FGF14: variants seen among roughly 807,000 people sequenced by gnomAD.
FGF14 encodes fibroblast growth factor homologous factor 4.
FGF14 carries 5 observed loss-of-function variants against 25.5 expected under a neutral mutation model. The observed-to-expected ratio is 0.20, with a 90% CI of 0.10 to 0.41. The LOEUF (loss-of-function observed/expected upper bound fraction) is 0.41. Among genes scored for constraint, FGF14 ranks in the 10% least tolerant of loss-of-function variants. The pLI, the probability that FGF14 is intolerant of heterozygous loss-of-function variation, is 1.00. For synonymous variants in FGF14, 138 were observed against 118.3 expected, an observed-to-expected ratio of 1.17 and a Z score of -1.08; for missense variants, 222 against 320.1, an observed-to-expected ratio of 0.69 and a Z score of 2.34.
At chr13:101,781,536 G>A (rs917219344) in intron 3 of FGF14, among the ~76,000 whole-genome samples, 1 of 152,164 alleles carries the variant, frequency 6.6e-6, no homozygotes, top group Non-Finnish European at 1.5e-5. Flanking sequence ...GAGGGCTGAC[G>A]TAGTTCCTTT....
At chr13:101,955,628 C>T (rs1464307208) in intron 1 of FGF14, among the ~76,000 whole-genome samples, 2 of 152,194 alleles carry the variant, frequency 1.3e-5, no homozygotes, top group Non-Finnish European at 2.9e-5. Context: ...ATGCAAGTCT[C>T]CTGAGGGGAA....
At chr13:102,098,497 C>T (rs190842400) in intron 1 of FGF14, among the ~76,000 whole-genome samples, 7 of 152,268 alleles carry the variant, frequency 4.6e-5, no homozygotes, top group Admixed American at 1.3e-4. Context: ...CTATTTACAG[C>T]TATTAATAAT....
chr13:102,054,056 C>T (rs1359889763), intron 1 of FGF14, among the ~76,000 whole-genome samples: 1 of 152,086 alleles, frequency 6.6e-6, no homozygotes, highest in Non-Finnish European at 1.5e-5. Flanking sequence ...GTCACCATAG[C>T]TATGGACATT....
At chr13:101,960,826 C>T (rs549004592) in intron 1 of FGF14, among the ~76,000 whole-genome samples, 1 of 152,268 alleles carries the variant, frequency 6.6e-6, no homozygotes, top group East Asian at 1.9e-4. Context: ...AAAAGTATTC[C>T]TATTTCTCCT....
chr13:102,346,699 T>C (rs934705311), intron 1 of FGF14, among the ~76,000 whole-genome samples: 6 of 152,122 alleles, frequency 3.9e-5, no homozygotes, highest in African/African-American at 1.4e-4. Context: ...GTTATAAAAT[T>C]TCAACACTGG....
chr13:101,901,969 A>T (rs1015649819), intron 1 of FGF14, among the ~76,000 whole-genome samples: 1 of 152,204 alleles, frequency 6.6e-6, no homozygotes, highest in African/African-American at 2.4e-5. Flanking sequence ...ACATATTCAT[A>T]TACTTGTGAT....
chr13:102,074,835 A>G (rs943260415), intron 1 of FGF14, among the ~76,000 whole-genome samples: 2 of 152,236 alleles, frequency 1.3e-5, no homozygotes, highest in Non-Finnish European at 2.9e-5. Flanking sequence ...CCGTATGATC[A>G]TCTCAACAGA....
intron 1 of FGF14, among the ~76,000 whole-genome samples, chr13:102,304,573 A>C (rs546389014): frequency 2.2e-4 from 33 of 152,312 alleles, no homozygotes; most frequent in African/African-American, 7.9e-4. Context: ...CTGGATATTC[A>C]CATTCTTCTA....
intron 3 of FGF14, among the ~76,000 whole-genome samples, chr13:101,831,450 C>G (rs78841058): frequency 0.038 from 5,768 of 151,912 alleles, 349 homozygotes; most frequent in African/African-American, 0.13. Context: ...TTCTATCATA[C>G]GCTTCATGAA....
rs115157720 is a variant in FGF14, at chr13:101,947,004, A to G, written c.209-71708T>C. On this transcript the variant is annotated intron_variant, in intron 1 of 4. Coordinates refer to the FGF14 transcript ENST00000376131. ...TGAGATTCTCTGATAATGCAATCCT[A>G]AAGATAAATTTTTCTTTAACATGAG... Among the ~76,000 whole-genome samples, 279 of 152,328 alleles carry G rather than the reference A, an allele frequency of 1.8e-3. 1 individual carries two copies. The highest frequency in any genetic ancestry group is 6.4e-3 in the African/African-American group (267 of 41,574).
At chr13:102,143,306 G>A (rs908841562) in intron 1 of FGF14, among the ~76,000 whole-genome samples, 6 of 152,000 alleles carry the variant, frequency 3.9e-5, no homozygotes, top group African/African-American at 1.5e-4. Flanking sequence ...ACTGCTTCCA[G>A]GTGGCAAAAT....
At chr13:102,002,251 G>T (rs1468709013) in intron 1 of FGF14, 1 of 152,162 alleles carries the variant, frequency 6.6e-6, no homozygotes, top group Non-Finnish European at 1.5e-5. Context: ...AATTTCCAAT[G>T]ATGTTTACCA....
upstream of FGF14, among the ~76,000 whole-genome samples, chr13:101,917,185 G>A (rs1191661293): frequency 9.9e-5 from 15 of 151,824 alleles, no homozygotes; most frequent in East Asian, 2.7e-3. Context: ...CGCCGGCGCC[G>A]CCCGCTCTCG....
chr13:102,056,791 T>C (rs1188484485), intron 1 of FGF14, among the ~76,000 whole-genome samples: 2 of 149,224 alleles, frequency 1.3e-5, no homozygotes, highest in Non-Finnish European at 3.0e-5. Context: ...ATAAATATAT[T>C]ATAAAACTAA....
In FGF14 at chr13:101,721,463, C is replaced by A. The variant is rs1266213778; in HGVS notation, c.*1368G>T. The A allele has an allele frequency of 6.6e-6, 1 of 151,968 alleles. No homozygotes were observed. The highest frequency in any genetic ancestry group is 1.5e-5 in the Non-Finnish European group (1 of 67,988). The allele number at this position is 151,968 out of a possible 1,614,324, so 9.4% of individuals were successfully genotyped here. On this transcript the variant is annotated 3_prime_UTR_variant, in exon 5 of 5. Transcript: ENST00000376143. ...GCCTTTATTTTCATCTAGGATAATT[C>A]AACAGACTGTATTCTGAGATCATGG... is the stretch of plus-strand genomic sequence containing the variant.
intron 1 of FGF14, among the ~76,000 whole-genome samples, chr13:102,034,497 T>C (rs956812812): frequency 6.6e-6 from 1 of 152,110 alleles, no homozygotes; most frequent in African/African-American, 2.4e-5. Flanking sequence ...CTTCCTCCCA[T>C]CTAATCCTCC....
chr13:102,018,588 G>A (rs1446138996), intron 1 of FGF14, among the ~76,000 whole-genome samples: 3 of 151,924 alleles, frequency 2.0e-5, no homozygotes, highest in Admixed American at 1.3e-4. Context: ...TAGCCCTGAG[G>A]CCTCTTCTTC....
At chr13:102,191,092 C>T (rs1322234866) in intron 1 of FGF14, among the ~76,000 whole-genome samples, 1 of 152,190 alleles carries the variant, frequency 6.6e-6, no homozygotes, top group Non-Finnish European at 1.5e-5. Flanking sequence ...TTCCTGGAAA[C>T]CTCTACTAGT....
chr13:101,917,271 T>C (rs1256664591), upstream of FGF14, among the ~76,000 whole-genome samples: 2 of 152,074 alleles, frequency 1.3e-5, no homozygotes, highest in Non-Finnish European at 2.9e-5. Context: ...AGATCTCTAA[T>C]CAAACGCTCC....
Sources: gnomAD v4.1 joint callset for allele counts (sites outside exome capture counted in the v4.1 genomes callset) on GRCh38, gnomAD v4.1.1 for gene constraint, MANE v1.5 for transcripts, NCBI Gene and HGNC (gene_info 2026-07-23, HGNC 2026-07-21) for gene names.